The following VSTM2B variants were observed in gnomAD, a reference collection of about 807,000 sequenced individuals.
VSTM2B encodes the protein V-set and transmembrane domain containing 2B.
In VSTM2B, 24 loss-of-function variants were observed where a neutral mutation model predicts 24.0. The ratio of observed to expected loss-of-function variants is 1.00; its 90% CI spans 0.72 to 1.40. The LOEUF (loss-of-function observed/expected upper bound fraction) is 1.40. Among genes scored for constraint, VSTM2B ranks in the 40% most tolerant of loss-of-function variants. VSTM2B has a pLI of 0.00. For synonymous variants in VSTM2B, 226 were observed against 194.4 expected (o/e 1.16, Z -1.35); for missense variants, 399 against 416.4 (o/e 0.96, Z 0.36).
rs369730588 is a variant in VSTM2B at position 29,539,285 on chromosome 19, T to C, written c.769+8995T>C. Among the ~76,000 whole-genome samples the C allele has an allele frequency of 5.3e-5, 8 of 152,246 alleles. 1 individual carries two copies. Among genetic ancestry groups the C allele is most frequent in the African/African-American group, 1.9e-4 (8 of 41,532 alleles). On this transcript the variant is annotated intron_variant, in intron 4 of 4. Transcript: ENST00000335523. Reference sequence around the variant, plus strand: ...TGTCATGCCTGGTCGTGCTTCTTTGTCATATAGGCTGCTGCCAGTGGCGCG... The same window carrying C: ...TGTCATGCCTGGTCGTGCTTCTTTGCCATATAGGCTGCTGCCAGTGGCGCG...
At chr19:29,547,607 C>G (rs904652398) in intron 4 of VSTM2B, among the ~76,000 whole-genome samples, 2 of 152,170 alleles carry the variant, frequency 1.3e-5, no homozygotes, top group African/African-American at 2.4e-5. Context: ...GGCCAGCCCT[C>G]TGACGCATGG....
chr19:29,544,422 A>G (rs534119196), intron 4 of VSTM2B, among the ~76,000 whole-genome samples: 1 of 142,088 alleles, frequency 7.0e-6, no homozygotes. Flanking sequence ...GCTACTTGGG[A>G]GGCTGAGGCA....
intron 4 of VSTM2B, among the ~76,000 whole-genome samples, chr19:29,552,932 C>T (rs1276109180): frequency 2.6e-5 from 4 of 152,186 alleles, no homozygotes; most frequent in African/African-American, 7.2e-5. Context: ...TCAGCAACTA[C>T]AGCCAGGCGT....
chr19:29,539,118 T>C (rs1490471081), intron 4 of VSTM2B, among the ~76,000 whole-genome samples: 1 of 152,042 alleles, frequency 6.6e-6, no homozygotes, highest in African/African-American at 2.4e-5. Context: ...TTGGGGCTGT[T>C]TGCCATAAGT....
At chr19:29,540,326 C>T (rs939417533) in intron 4 of VSTM2B, among the ~76,000 whole-genome samples, 5 of 152,232 alleles carry the variant, frequency 3.3e-5, no homozygotes, top group African/African-American at 7.2e-5. Context: ...GAACCCAGGG[C>T]TCAGCTCAGG....
At chr19:29,531,690 G>A (rs1242552969) in intron 4 of VSTM2B, among the ~76,000 whole-genome samples, 1 of 152,228 alleles carries the variant, frequency 6.6e-6, no homozygotes, top group Non-Finnish European at 1.5e-5. Flanking sequence ...TCAGGCTACT[G>A]GGGAAGGTAG....
chr19:29,560,214 G>C (rs1174143104), intron 4 of VSTM2B, among the ~76,000 whole-genome samples: 2 of 152,204 alleles, frequency 1.3e-5, no homozygotes, highest in Admixed American at 6.5e-5. Context: ...CCCAGAGTCA[G>C]TGTGGGAGGG....
At chr19:29,529,222 G>A in intron 3 of VSTM2B, 1 of 813,384 alleles carries the variant, frequency 1.2e-6, no homozygotes, top group African/African-American at 1.9e-5. Flanking sequence ...CGGGTTGGTA[G>A]CAGGTGGCCA....
chr19:29,543,746 A>G (rs867729900), intron 4 of VSTM2B, among the ~76,000 whole-genome samples: 1 of 152,188 alleles, frequency 6.6e-6, no homozygotes, highest in Admixed American at 6.5e-5. Flanking sequence ...GAGGTGAGGT[A>G]CCCCCAGACA....
intron 4 of VSTM2B, among the ~76,000 whole-genome samples, chr19:29,542,409 G>T (rs950060439): frequency 1.3e-5 from 2 of 151,936 alleles, no homozygotes; most frequent in South Asian, 2.1e-4. Flanking sequence ...ATGGGAGAAT[G>T]AATGGATGGA....
At chr19:29,553,709 C>A (rs1430253939) in intron 4 of VSTM2B, among the ~76,000 whole-genome samples, 1 of 152,122 alleles carries the variant, frequency 6.6e-6, no homozygotes. Context: ...CCAGAATAAC[C>A]AGTTTAGAGA....
At chr19:29,550,156 A>G (rs1970245613) in intron 4 of VSTM2B, among the ~76,000 whole-genome samples, 1 of 152,270 alleles carries the variant, frequency 6.6e-6, no homozygotes. Context: ...GTTATAAGCC[A>G]GGAGTGGTGG....
chr19:29,559,924 T>G (rs1970490016), intron 4 of VSTM2B, among the ~76,000 whole-genome samples: 1 of 152,178 alleles, frequency 6.6e-6, no homozygotes. Context: ...CAATTTGGGC[T>G]GGGCTCAGTT....
intron 4 of VSTM2B, among the ~76,000 whole-genome samples, chr19:29,554,867 A>T (rs565029055): frequency 6.6e-6 from 1 of 152,246 alleles, no homozygotes; most frequent in Admixed American, 6.5e-5. Flanking sequence ...AGAGCTAACT[A>T]TCCTAAATAT....
Position 29,563,875 on chromosome 19 carries a change from C to T in VSTM2B, c.799C>T (p.Leu267Phe), listed in dbSNP as rs984615846. Residue 267 changes from leucine (L) to phenylalanine (F), a missense_variant, in exon 5 of 5, where the codon CTC becomes TTC. Leu to Phe is a conservative substitution (Grantham distance 22). Coordinates refer to ENST00000335523, the MANE Select transcript of VSTM2B (RefSeq NM_001146339.2). ...GTGRSYTTDP[L>F]LSLLLLALHK... ...CGGCCGTAGCTACACCACAGACCCA[C>T]TCTTGTCCCTGCTCCTGTTAGCTCT... 1.1e-5 allele frequency: 17 copies of T among 1,552,238 alleles called. No homozygotes were observed. In the African/African-American group the frequency reaches 1.9e-4, roughly 18 times the overall value.
intron 4 of VSTM2B, among the ~76,000 whole-genome samples, chr19:29,536,214 T>A (rs1969885843): frequency 6.6e-6 from 1 of 152,122 alleles, no homozygotes; most frequent in Non-Finnish European, 1.5e-5. Flanking sequence ...GACCCAAACT[T>A]AAAGGAGCCA....
chr19:29,541,725 G>A (rs1342615782), intron 4 of VSTM2B, among the ~76,000 whole-genome samples: 3 of 151,542 alleles, frequency 2.0e-5, no homozygotes, highest in Non-Finnish European at 4.4e-5. Context: ...TGGGTAGAAG[G>A]AAGGATGAGT....
At chr19:29,545,021 G>T (rs765310958) in intron 4 of VSTM2B, among the ~76,000 whole-genome samples, 6 of 152,170 alleles carry the variant, frequency 3.9e-5, no homozygotes, top group Non-Finnish European at 5.9e-5. Flanking sequence ...AACACACTAC[G>T]GCCATCCACA....
chr19:29,538,077 T>C (rs1969934522), intron 4 of VSTM2B, among the ~76,000 whole-genome samples: 1 of 152,214 alleles, frequency 6.6e-6, no homozygotes, highest in Admixed American at 6.5e-5. Context: ...AGCCAGGATT[T>C]CAATGCCAAC....
Sources: allele counts gnomAD v4.1 joint callset (sites outside exome capture counted in the v4.1 genomes callset), GRCh38; gene constraint gnomAD v4.1.1; transcripts MANE v1.5; gene names NCBI Gene and HGNC (gene_info 2026-07-23, HGNC 2026-07-21).